The following MCF2L variants were observed in gnomAD, a reference collection of about 807,000 sequenced individuals.
MCF2L encodes the protein guanine nucleotide exchange factor DBS.
In MCF2L, 97 loss-of-function variants were observed where a neutral mutation model predicts 153.4. That is an observed-to-expected ratio of 0.63 (90% CI 0.54 to 0.75). MCF2L has a LOEUF of 0.75. MCF2L is among the 30% of genes least tolerant of loss of function. The pLI, the probability that MCF2L is intolerant of heterozygous loss-of-function variation, is 0.00. For synonymous variants in MCF2L, 659 were observed against 632.2 expected, an observed-to-expected ratio of 1.04 and a Z score of -0.64; for missense variants, 1,347 against 1,495.2, an observed-to-expected ratio of 0.90 and a Z score of 1.64.
intron 1 of MCF2L, among the ~76,000 whole-genome samples, chr13:112,987,080 T>C (rs1472609739): frequency 1.4e-5 from 2 of 146,906 alleles, no homozygotes; most frequent in African/African-American, 5.0e-5. Context: ...GGTGGGTCCT[T>C]TTACACAGAT....
At chr13:112,919,144 T>C (rs911315694) in intron 2 of MCF2L, among the ~76,000 whole-genome samples, 1 of 152,172 alleles carries the variant, frequency 6.6e-6, no homozygotes, top group East Asian at 1.9e-4. Flanking sequence ...ATATAACTTT[T>C]AGTTTTTAGG....
intron 2 of MCF2L, among the ~76,000 whole-genome samples, chr13:112,911,889 G>A (rs1173184816): frequency 6.6e-6 from 1 of 152,232 alleles, no homozygotes; most frequent in Admixed American, 6.5e-5. Context: ...AGGAAAAGAG[G>A]TTCTGTTTAG....
chr13:112,977,377 A>T (rs2082252215), intron 1 of MCF2L, among the ~76,000 whole-genome samples: 1 of 152,074 alleles, frequency 6.6e-6, no homozygotes, highest in South Asian at 2.1e-4. Flanking sequence ...TGGAGGGGCT[A>T]CCACGGAGCT....
rs1489572457 is a variant in MCF2L, at chr13:113,099,287, G to A, written c.*2428G>A. ...AAGTGATCCCTGTTTGCCCCTAAACGTAGAGAAATCTGCGTTATTTTCCAG... is the reference window on the plus strand; with the variant it reads ...AAGTGATCCCTGTTTGCCCCTAAACATAGAGAAATCTGCGTTATTTTCCAG... On this transcript the variant is annotated 3_prime_UTR_variant, in exon 30 of 30. Coordinates refer to ENST00000535094, the MANE Select transcript of MCF2L (RefSeq NM_001112732.3). The A allele has an allele frequency of 6.6e-6, 1 of 152,182 alleles. No individual in the cohort carries two copies. Among genetic ancestry groups the A allele is most frequent in the Non-Finnish European group, 1.5e-5 (1 of 68,030 alleles). 9.4% of individuals were successfully genotyped at this position (152,182 alleles called of 1,614,324 possible).
At chr13:113,096,699 C>G in intron 29 of MCF2L, 46 bp downstream of exon 29, 1 of 1,556,442 alleles carries the variant, frequency 6.4e-7, no homozygotes, top group East Asian at 2.4e-5. Context: ...TGCCAAGGGC[C>G]CGGGCGAGGA....
chr13:113,088,753 C>T (rs573147007), intron 25 of MCF2L, 125 bp downstream of exon 25: 1 of 996,518 alleles, frequency 1.0e-6, no homozygotes, highest in Non-Finnish European at 1.5e-6. Context: ...CCTTGAGGCC[C>T]CTGGTGTTTA....
chr13:112,956,365 A>G (rs2140732561), intron 2 of MCF2L: 1 of 152,386 alleles, frequency 6.6e-6, no homozygotes, highest in African/African-American at 2.4e-5. Flanking sequence ...CCAAAACATC[A>G]AGAAATATGG....
At chr13:113,058,540 G>C (rs182242144) in intron 4 of MCF2L, among the ~76,000 whole-genome samples, 2 of 150,918 alleles carry the variant, frequency 1.3e-5, no homozygotes, top group Non-Finnish European at 3.0e-5. Context: ...TTTTGGCGCT[G>C]TGTGGGTGCT....
rs952511836 is a variant in MCF2L, at chr13:113,094,553, A to G, written c.2993A>G (p.Asp998Gly). 1 of 1,612,542 alleles carries G rather than the reference A, an allele frequency of 6.2e-7. No homozygotes were observed. The highest frequency in any genetic ancestry group is 8.5e-7 in the Non-Finnish European group (1 of 1,179,686). The change falls in exon 27 of 30, where the codon GAC becomes GGC. Residue 998 changes from aspartate to glycine, a missense_variant. Physicochemically the swap from Asp to Gly is moderately conservative, Grantham distance 94. Transcript: ENST00000535094. Reference sequence around the variant, plus strand: ...TCCCACTCACTGGAGGCACCTGAGGACGACGGGGGCTGGTCAAGTGCAGAG... The same window carrying G: ...TCCCACTCACTGGAGGCACCTGAGGGCGACGGGGGCTGGTCAAGTGCAGAG... ...KTSHSLEAPE[D>G]DGGWSSAEEQ...
intron 2 of MCF2L, among the ~76,000 whole-genome samples, chr13:112,944,516 G>A (rs1034220721): frequency 2.6e-5 from 4 of 151,232 alleles, no homozygotes; most frequent in Non-Finnish European, 5.9e-5. Context: ...CACCACCAGT[G>A]CTAAGCCGCA....
rs567510408 is a variant in MCF2L, at chr13:113,054,599, G to A, written c.370-5994G>A. The stretch of plus-strand genomic sequence containing the variant: ...CTACTGTCAGACAAATGTAGTTGGT[G>A]AGGTTTCAGTTGCTCTGAAATTAAA... On this transcript the variant is annotated intron_variant, in intron 4 of 29. Coordinates refer to ENST00000535094, the MANE Select transcript of MCF2L (RefSeq NM_001112732.3). This position sits in a 1 kb window ranked among gnomAD's most constrained non-coding sequence, Gnocchi z 5.2. The A allele has an allele frequency of 8.5e-5, 13 of 152,426 alleles. No individual in the cohort carries two copies. Among genetic ancestry groups the A allele is most frequent in the African/African-American group, 3.1e-4 (13 of 41,566 alleles). 9.4% of individuals were successfully genotyped at this position (152,426 alleles called of 1,614,324 possible). A position where few individuals can be genotyped will look rare whatever the true frequency, so the allele number is the denominator to read the frequency against.
At chr13:113,050,270 G>A (rs892161144) in intron 4 of MCF2L, among the ~76,000 whole-genome samples, 2 of 89,108 alleles carry the variant, frequency 2.2e-5, no homozygotes, top group African/African-American at 5.6e-5. Context: ...GTGAATGTGT[G>A]TGAGACTGTG....
In MCF2L at chr13:112,943,734, G is replaced by A. The variant is rs978179408; in HGVS notation, c.169+41363G>A. Among the ~76,000 whole-genome samples the A allele has an allele frequency of 1.3e-5, 2 of 152,102 alleles. No individual in the cohort carries two copies. Among genetic ancestry groups the A allele is most frequent in the African/African-American group, 2.4e-5 (1 of 41,442 alleles). The stretch of plus-strand genomic sequence containing the variant: ...ACCGCCGGGAGCCCGAGCAGCCTGC[G>A]GTGGCTCGGCTCGGGCCGGCGGAGA... On this transcript the variant is annotated intron_variant, in intron 2 of 29. Transcript: ENST00000375608. The surrounding 1 kb of genome is among the most constrained non-coding windows in gnomAD (Gnocchi z 4.2).
intron 1 of MCF2L, among the ~76,000 whole-genome samples, chr13:112,997,755 C>T (rs7994409): frequency 0.02 from 3,102 of 152,326 alleles, 86 homozygotes; most frequent in African/African-American, 0.069. Context: ...GGGTGGGAAG[C>T]GATGGGTCGA....
Position 113,086,241 on chromosome 13 carries a change from G to A in MCF2L, c.2365G>A (p.Gly789Ser), listed in dbSNP as rs556331202. Residue 789 changes from glycine (G) to serine (S), a missense_variant, in exon 21 of 30, where the codon GGC becomes AGC. Gly to Ser is a moderately conservative substitution (Grantham distance 56). Around this residue, in one of 3 missense-constraint regions of MCF2L, gnomAD observed 144 missense variants for 238.7 expected, o/e 0.60. Transcript: ENST00000535094. ...NDSMHLIAIT[G>S]YDGNLGDLGK... ...CTCCATGCACCTCATCGCTATCACC[G>A]GCTATGACGTAAGGCGCCCAGATGC... 7.5e-6 allele frequency: 12 copies of A among 1,609,520 alleles called. No individual in the cohort carries two copies. Among genetic ancestry groups the A allele is most frequent in the Non-Finnish European group, 1.0e-5 (12 of 1,178,180 alleles).
At chr13:112,971,422 T>C (rs1467889641) in intron 1 of MCF2L, among the ~76,000 whole-genome samples, 1 of 152,116 alleles carries the variant, frequency 6.6e-6, no homozygotes, top group Admixed American at 6.6e-5. Context: ...GCGGCTGGTG[T>C]AGGTCCTCAG....
intron 1 of MCF2L, among the ~76,000 whole-genome samples, chr13:113,003,329 G>T (rs2083489326): frequency 6.6e-6 from 1 of 151,442 alleles, no homozygotes; most frequent in African/African-American, 2.4e-5. Context: ...GGGTTATGGG[G>T]TTGGCTGTGG....
intron 4 of MCF2L, among the ~76,000 whole-genome samples, chr13:113,058,908 A>G (rs1215928715): frequency 6.5e-4 from 34 of 52,142 alleles, no homozygotes; most frequent in African/African-American, 1.0e-3. Context: ...CTGAGTGTTT[A>G]GGTGCTGAGT....
At chr13:112,968,421 G>C, upstream of MCF2L, 3 of 1,571,828 alleles carry the variant, frequency 1.9e-6, no homozygotes, top group Non-Finnish European at 2.6e-6. Flanking sequence ...GTGGCAGCCA[G>C]GACGCTGCGT....
Sources: gnomAD v4.1 joint callset for allele counts (sites outside exome capture counted in the v4.1 genomes callset) on GRCh38, gnomAD v4.1.1 for gene constraint, gnomAD v4.1.1 regional missense constraint, Gnocchi (gnomAD v3.1) non-coding constraint, MANE v1.5 for transcripts, NCBI Gene and HGNC (gene_info 2026-07-23, HGNC 2026-07-21) for gene names.